The following GINS2 variants were observed in gnomAD, a reference collection of about 807,000 sequenced individuals.
The protein encoded by GINS2 is DNA replication complex GINS protein PSF2.
In GINS2, 23 loss-of-function variants were observed where a neutral mutation model predicts 21.2. The observed-to-expected ratio is 1.08, with a 90% CI of 0.78 to 1.53. GINS2 has a LOEUF of 1.53. Ranked by LOEUF, GINS2 falls within the 40% of genes most tolerant of loss-of-function variation. The pLI, the probability that GINS2 is intolerant of heterozygous loss-of-function variation, is 0.00. For missense variants in GINS2, 323 were observed against 233.9 expected, an observed-to-expected ratio of 1.38 and a Z score of -2.49; for synonymous variants, 118 against 85.6, an observed-to-expected ratio of 1.38 and a Z score of -2.09.
intron 1 of GINS2, 81 bp downstream of exon 1, chr16:85,688,728 G>T: frequency 1.4e-6 from 1 of 734,552 alleles, no homozygotes; most frequent in South Asian, 2.2e-5. Context: ...GCGAGCCCGC[G>T]ACCCCGGGGC....
intron 2 of GINS2, among the ~76,000 whole-genome samples, chr16:85,682,431 G>A (rs963980862): frequency 1.0e-4 from 15 of 150,610 alleles, no homozygotes; most frequent in South Asian, 2.1e-4. Context: ...CAGCCTGGGC[G>A]CGATACAATA....
At chr16:85,682,446 A>AG (rs1169868884) in intron 2 of GINS2, among the ~76,000 whole-genome samples, 6 of 150,290 alleles carry the variant, frequency 4.0e-5, no homozygotes, top group African/African-American at 1.2e-4. Flanking sequence ...ACAATATCCT[A>AG]GGGGGGTTAA....
chr16:85,682,018 C>G lies in GINS2; in HGVS notation c.206-337G>C, dbSNP rs528433722. On this transcript the variant is annotated intron_variant, in intron 2 of 4. Transcript: ENST00000253462. ...AAACAGCAAAGTGATTTACCTTTAC[C>G]GCCTTTTTTTTTTTTTTTTTTTTTT... 1.6e-3 allele frequency among the ~76,000 whole-genome samples: 219 copies of G among 136,006 alleles called. 1 individual carries two copies. The highest frequency in any genetic ancestry group is 5.8e-3 in the African/African-American group (205 of 35,338). The allele number at this position is 136,006 out of a possible 152,430, so 89.2% of individuals were successfully genotyped here.
intron 1 of GINS2, 50 bp downstream of exon 1, chr16:85,688,759 C>T: frequency 8.2e-7 from 1 of 1,213,252 alleles, no homozygotes; most frequent in Non-Finnish European, 1.1e-6. Flanking sequence ...GCGGGAGCCC[C>T]GGACGCGCCC....
intron 4 of GINS2, 79 bp downstream of exon 4, chr16:85,678,461 G>A: frequency 6.4e-7 from 1 of 1,559,784 alleles, no homozygotes; most frequent in East Asian, 2.2e-5. Context: ...ATGCCTGCCT[G>A]TAATAGCCTC....
chr16:85,679,617 T>C (rs571569798), intron 3 of GINS2, among the ~76,000 whole-genome samples: 6 of 152,220 alleles, frequency 3.9e-5, no homozygotes, highest in Non-Finnish European at 8.8e-5. Flanking sequence ...AGCTGAACTA[T>C]AGAACAAACG....
intron 2 of GINS2, among the ~76,000 whole-genome samples, chr16:85,682,699 A>G (rs2053744488): frequency 6.6e-6 from 1 of 152,148 alleles, no homozygotes; most frequent in Non-Finnish European, 1.5e-5. Flanking sequence ...AGCTGTATCC[A>G]ATTCCACCAG....
chr16:85,685,685 A>AAAAAAAACAAAAAAAAAAAAAAAC (rs56405044), intron 2 of GINS2, among the ~76,000 whole-genome samples: 1 of 120,900 alleles, frequency 8.3e-6, no homozygotes, highest in Non-Finnish European at 1.9e-5. Flanking sequence ...AAAAAAAAAA[A>AAAAAAAACAAAAAAAAAAAAAAAC]AAAAAACCGT....
At chr16:85,684,278 G>T (rs1325661152) in intron 2 of GINS2, among the ~76,000 whole-genome samples, 1 of 151,840 alleles carries the variant, frequency 6.6e-6, no homozygotes, top group Non-Finnish European at 1.5e-5. Context: ...AGGTTGCAGT[G>T]AGCCATGATC....
In GINS2 at chr16:85,678,306, G is replaced by C. The variant is rs1472918023; in HGVS notation, c.464C>G (p.Thr155Ser). Residue 155 changes from threonine to serine, a missense_variant, in exon 5 of 5, where the codon ACC becomes AGC. Coordinates refer to ENST00000253462, the MANE Select transcript of GINS2 (RefSeq NM_016095.3). ...LDNLTLMEIN[T>S]SGTFLTQALN... ...CGCTTGTGTGAGGAAAGTCCCGCTGGTGTTGATCTCCATCAAGGTCAAGTT... is the reference window on the plus strand; with the variant it reads ...CGCTTGTGTGAGGAAAGTCCCGCTGCTGTTGATCTCCATCAAGGTCAAGTT... The C allele has an allele frequency of 6.2e-7, 1 of 1,613,364 alleles. No individual in the cohort carries two copies. Among genetic ancestry groups the C allele is most frequent in the African/African-American group, 1.3e-5 (1 of 75,024 alleles).
At chr16:85,683,292 C>T (rs1484071300) in intron 2 of GINS2, among the ~76,000 whole-genome samples, 1 of 152,050 alleles carries the variant, frequency 6.6e-6, no homozygotes, top group Non-Finnish European at 1.5e-5. Flanking sequence ...GAGCTCAGCT[C>T]CCAACCCCTT....
rs918835391 is a variant in GINS2, at chr16:85,688,950, G to A, written c.-52C>T. 6.8e-6 allele frequency: 9 copies of A among 1,320,066 alleles called. No individual in the cohort carries two copies. In the African/African-American group the frequency reaches 1.1e-4, roughly 16 times the overall value. The allele number at this position is 1,320,066 out of a possible 1,614,324, so 81.8% of individuals were successfully genotyped here. A position where few individuals can be genotyped will look rare whatever the true frequency, so the allele number is the denominator to read the frequency against. ...TCACGGTCTCCTCGGGCCCCTCAGC[G>A]TCCCGGAGGAGACGCCGCGGCCGCC... On this transcript the variant is annotated 5_prime_UTR_variant, in exon 1 of 5. It adds an upstream start codon to the 5' untranslated region. Transcript: ENST00000253462.
At chr16:85,683,247 G>A (rs2152052021) in intron 2 of GINS2, among the ~76,000 whole-genome samples, 1 of 151,964 alleles carries the variant, frequency 6.6e-6, no homozygotes, top group Middle Eastern at 3.4e-3. Context: ...TTTGTCTCCT[G>A]GCAATTCCTC....
At chr16:85,678,378 G>A in intron 4 of GINS2, 41 bp from the exon 5 acceptor site, 1 of 1,607,392 alleles carries the variant, frequency 6.2e-7, no homozygotes, top group Non-Finnish European at 8.5e-7. Flanking sequence ...AGGAGTTTTT[G>A]ATTTTGAGAA....
intron 2 of GINS2, among the ~76,000 whole-genome samples, chr16:85,684,110 T>G (rs1306609405): frequency 6.6e-6 from 1 of 152,122 alleles, no homozygotes; most frequent in Non-Finnish European, 1.5e-5. Flanking sequence ...TCCCAGCACT[T>G]TGGGAGACCG....
At chr16:85,681,866 T>C (rs1007670376) in intron 2 of GINS2, among the ~76,000 whole-genome samples, 185 bp from the exon 3 acceptor site, 1 of 152,112 alleles carries the variant, frequency 6.6e-6, no homozygotes, top group Non-Finnish European at 1.5e-5. Flanking sequence ...CCTTGAAACT[T>C]TCTCTCCAAA....
intron 2 of GINS2, among the ~76,000 whole-genome samples, chr16:85,683,504 C>A (rs1242184064): frequency 2.0e-5 from 3 of 152,232 alleles, no homozygotes; most frequent in Admixed American, 6.5e-5. Context: ...CTGCAGCCCA[C>A]AGCCTGCTCC....
chr16:85,678,345 A>G lies in GINS2; in HGVS notation c.433-8T>C, dbSNP rs772584945. 2 of 1,613,760 alleles carry G rather than the reference A, an allele frequency of 1.2e-6. No homozygotes were observed. Among genetic ancestry groups the G allele is most frequent in the Non-Finnish European group, 1.7e-6 (2 of 1,179,812 alleles). ...CAAGGTCAAGTTATCCAGCTAAAGC[A>G]AGAAAACAGACCAAGTTGGCCAAGG... On this transcript the variant is annotated splice_region_variant and splice_polypyrimidine_tract_variant and intron_variant, in intron 4 of 4. Transcript: ENST00000253462.
At chr16:85,682,303 C>A (rs560756734) in intron 2 of GINS2, among the ~76,000 whole-genome samples, 1 of 152,128 alleles carries the variant, frequency 6.6e-6, no homozygotes, top group Non-Finnish European at 1.5e-5. Context: ...GAGTGAGTCA[C>A]CTGGTCAGTA....
Sources: gnomAD v4.1 joint callset for allele counts (sites outside exome capture counted in the v4.1 genomes callset) on GRCh38, gnomAD v4.1.1 for gene constraint, MANE v1.5 for transcripts, NCBI Gene and HGNC (gene_info 2026-07-23, HGNC 2026-07-21) for gene names.